Variants in GPR149 observed in about 807,000 individuals in gnomAD.
GPR149 encodes G protein-coupled receptor 149.
GPR149 carries 50 observed loss-of-function variants against 50.2 expected under a neutral mutation model. That is an observed-to-expected ratio of 1.00 (90% CI 0.79 to 1.26). The LOEUF (loss-of-function observed/expected upper bound fraction) is 1.26. Among genes scored for constraint, GPR149 ranks in the 50% most tolerant of loss-of-function variants. GPR149 has a pLI of 0.00. For synonymous variants in GPR149, 405 were observed against 358.2 expected (o/e 1.13, Z -1.48); for missense variants, 983 against 895.4 (o/e 1.10, Z -1.25).
chr3:154,356,779 G>A (rs1036291745), intron 3 of GPR149, among the ~76,000 whole-genome samples: 8 of 152,042 alleles, frequency 5.3e-5, no homozygotes, highest in Non-Finnish European at 8.8e-5. Context: ...TAGATTCAAT[G>A]CCATCCCCAT....
intron 3 of GPR149, among the ~76,000 whole-genome samples, chr3:154,362,830 C>A (rs896729993): frequency 2.6e-5 from 4 of 152,060 alleles, no homozygotes; most frequent in African/African-American, 4.8e-5. Flanking sequence ...TTTTCCCAAA[C>A]AAACACTATT....
At chr3:154,371,464 C>T (rs1390704865) in intron 3 of GPR149, among the ~76,000 whole-genome samples, 1 of 152,118 alleles carries the variant, frequency 6.6e-6, no homozygotes. Context: ...AGTCGGAATA[C>T]TGGGCAGGCT....
chr3:154,380,166 CAG>C (rs57858107), intron 3 of GPR149, among the ~76,000 whole-genome samples: 28,335 of 133,122 alleles, frequency 0.21, 2,604 homozygotes, highest in Admixed American at 0.24. Context: ...GTGAGAGAGA[CAG>C]AGAGAGAGAG....
intron 3 of GPR149, among the ~76,000 whole-genome samples, chr3:154,407,316 C>T (rs1711720970): frequency 1.3e-5 from 2 of 151,976 alleles, no homozygotes; most frequent in Admixed American, 1.3e-4. Context: ...AAGAACTGAC[C>T]TAAGTAACTT....
At chr3:154,381,927 T>C (rs977477003) in intron 3 of GPR149, among the ~76,000 whole-genome samples, 5 of 152,184 alleles carry the variant, frequency 3.3e-5, no homozygotes, top group African/African-American at 9.7e-5. Context: ...TTAACCCAGA[T>C]GCGTCAAATA....
At chr3:154,363,517 C>A (rs577579718) in intron 3 of GPR149, among the ~76,000 whole-genome samples, 2 of 152,182 alleles carry the variant, frequency 1.3e-5, no homozygotes, top group Non-Finnish European at 2.9e-5. Flanking sequence ...GAAGAGGGTG[C>A]TCTCTTCAAC....
intron 3 of GPR149, among the ~76,000 whole-genome samples, chr3:154,341,015 C>T (rs752483044): frequency 2.6e-5 from 4 of 151,992 alleles, no homozygotes; most frequent in South Asian, 2.1e-4. Context: ...CCATCGTGCC[C>T]GGCCAAGATT....
intron 3 of GPR149, among the ~76,000 whole-genome samples, chr3:154,369,388 CT>C (rs541415964): frequency 4.7e-4 from 71 of 152,284 alleles, no homozygotes; most frequent in Middle Eastern, 3.4e-3. Context: ...AGTAAAGTCC[CT>C]TATGTACAGG....
rs140295237 is a variant in GPR149 at position 154,389,622 on chromosome 3, G to A, written c.1623+31417C>T. Among the ~76,000 whole-genome samples, 227 of 152,124 alleles carry A rather than the reference G, an allele frequency of 1.5e-3. 2 individuals carry two copies. Among genetic ancestry groups the A allele is most frequent in the African/African-American group, 5.3e-3 (222 of 41,508 alleles). ...CATGAAGCAGCCCAGCTCAGCACAA[G>A]GGAAACAAGCAGAAACAAACAAAAG... On this transcript the variant is annotated intron_variant, in intron 3 of 3. Coordinates refer to ENST00000389740, the MANE Select transcript of GPR149 (RefSeq NM_001038705.3).
intron 3 of GPR149, among the ~76,000 whole-genome samples, chr3:154,410,951 A>G (rs2108423583): frequency 1.3e-5 from 2 of 152,278 alleles, no homozygotes; most frequent in South Asian, 4.1e-4. Flanking sequence ...CCACAAAACA[A>G]GTCTCAGTAA....
At chr3:154,355,925 T>G (rs969927197) in intron 3 of GPR149, among the ~76,000 whole-genome samples, 1 of 152,214 alleles carries the variant, frequency 6.6e-6, no homozygotes, top group Non-Finnish European at 1.5e-5. Flanking sequence ...TTTACATTGA[T>G]GATATTCATG....
chr3:154,392,998 A>G (rs868501958), intron 3 of GPR149, among the ~76,000 whole-genome samples: 10 of 152,052 alleles, frequency 6.6e-5, no homozygotes, highest in African/African-American at 2.4e-4. Context: ...AATTTGAACA[A>G]ACATCCAAAA....
At position 154,427,479 on chromosome 3, in the gene GPR149, C is replaced by T. The variant is rs776555521; in HGVS notation, c.1174+37G>A. On this transcript the variant is annotated intron_variant, in intron 2 of 3. Transcript: ENST00000389740. Reference sequence around the variant, plus strand: ...CCACTTTTCTGAAAGTCACCTAATGCATATTGCTGCCAATCACTGCAGTGT... The same window carrying T: ...CCACTTTTCTGAAAGTCACCTAATGTATATTGCTGCCAATCACTGCAGTGT... 2.6e-6 allele frequency: 4 copies of T among 1,548,104 alleles called. No individual in the cohort carries two copies. In the East Asian group the frequency reaches 9.0e-5, roughly 35 times the overall value.
In GPR149 at chr3:154,335,277, A is replaced by G. The variant is rs1713628105; in HGVS notation, c.*2422T>C. ...TGGCTATATCACAAGATATCTAGAAAGGTATTTCCTCTACTAGAAACACAC... is the reference window on the plus strand; with the variant it reads ...TGGCTATATCACAAGATATCTAGAAGGGTATTTCCTCTACTAGAAACACAC... On this transcript the variant is annotated 3_prime_UTR_variant, in exon 4 of 4. Transcript: ENST00000389740. 6.6e-6 allele frequency: 1 copy of G among 152,204 alleles called. No homozygotes were observed. Among genetic ancestry groups the G allele is most frequent in the Non-Finnish European group, 1.5e-5 (1 of 68,020 alleles). The allele number at this position is 152,204 out of a possible 1,614,324, so 9.4% of individuals were successfully genotyped here. A position where few individuals can be genotyped will look rare whatever the true frequency, so the allele number is the denominator to read the frequency against.
intron 3 of GPR149, among the ~76,000 whole-genome samples, chr3:154,356,276 T>C (rs561126949): frequency 2.0e-5 from 3 of 152,264 alleles, no homozygotes; most frequent in South Asian, 2.1e-4. Flanking sequence ...AGAGGTTTAA[T>C]TGACTCACAG....
At chr3:154,364,024 A>C (rs1714474948) in intron 3 of GPR149, among the ~76,000 whole-genome samples, 1 of 152,218 alleles carries the variant, frequency 6.6e-6, no homozygotes, top group Non-Finnish European at 1.5e-5. Flanking sequence ...CAGGAATAAA[A>C]GAGCTGTAAC....
At chr3:154,388,095 T>G (rs1439541648) in intron 3 of GPR149, among the ~76,000 whole-genome samples, 2 of 152,190 alleles carry the variant, frequency 1.3e-5, no homozygotes, top group African/African-American at 4.8e-5. Context: ...ACTATATAGA[T>G]TCTAATAAAA....
At position 154,338,148 on chromosome 3, in the gene GPR149, T is replaced by A; in HGVS notation, c.1747A>T (p.Thr583Ser). 6.2e-7 allele frequency: 1 copy of A among 1,613,996 alleles called. No individual in the cohort carries two copies. Among genetic ancestry groups the A allele is most frequent in the Non-Finnish European group, 8.5e-7 (1 of 1,179,990 alleles). The change falls in exon 4 of 4, where the codon ACT (threonine) becomes TCT (serine). Residue 583 changes from threonine to serine, a missense_variant. By Grantham distance (58) the Thr-to-Ser change is moderately conservative (BLOSUM62 1). Transcript: ENST00000389740. ...YEVSAEGQKITPASKKIEVYR... is the reference protein window; with the variant it reads ...YEVSAEGQKISPASKKIEVYR... The stretch of plus-strand genomic sequence containing the variant: ...ACTTCTATTTTCTTAGAGGCTGGAG[T>A]TATTTTTTGCCCTTCTGCGCTTACC...
intron 3 of GPR149, chr3:154,353,142 G>T: frequency 1.3e-6 from 2 of 1,505,396 alleles, no homozygotes; most frequent in Non-Finnish European, 1.8e-6. Context: ...ATTCTTCCTG[G>T]TCTCACAGAA....
Sources: allele counts gnomAD v4.1 joint callset (sites outside exome capture counted in the v4.1 genomes callset), GRCh38; gene constraint gnomAD v4.1.1; transcripts MANE v1.5; gene names NCBI Gene and HGNC (gene_info 2026-07-23, HGNC 2026-07-21).